SLC45A4: variants seen among roughly 807,000 people sequenced by gnomAD.
SLC45A4 encodes the protein solute carrier family 45 member 4.
Under a neutral mutation model 63.7 loss-of-function variants are expected in SLC45A4, and 32 were observed. The ratio of observed to expected loss-of-function variants is 0.50; its 90% CI spans 0.38 to 0.67. SLC45A4 has a LOEUF of 0.67. SLC45A4 is among the 30% of genes least tolerant of loss of function. The pLI is 0.00. For synonymous variants in SLC45A4, 535 were observed against 510.0 expected (o/e 1.05, Z -0.66); for missense variants, 1,027 against 1,157.7 (o/e 0.89, Z 1.64).
chr8:141,279,510 C>T (rs977340512), intron 1 of SLC45A4, among the ~76,000 whole-genome samples: 5 of 152,244 alleles, frequency 3.3e-5, no homozygotes, highest in Admixed American at 6.5e-5. Flanking sequence ...TGAGGGAGGC[C>T]AGCTTTCCCT....
rs1024030894 is a variant in SLC45A4 at position 141,219,167 on chromosome 8, A to G, written c.611-138T>C. 6 of 1,013,186 alleles carry G rather than the reference A, an allele frequency of 5.9e-6. No homozygotes were observed. In the African/African-American group the frequency reaches 6.6e-5, roughly 11 times the overall value. The allele number at this position is 1,013,186 out of a possible 1,614,324, so 62.8% of individuals were successfully genotyped here. A position where few individuals can be genotyped will look rare whatever the true frequency, so the allele number is the denominator to read the frequency against. ...GTCAGGGGCTGGAGAAGGAGAAAGC[A>G]GTAGGAAAACAAAACAAGAAACTGC... On this transcript the variant is annotated intron_variant, in intron 4 of 8. Coordinates refer to ENST00000517878, the MANE Select transcript of SLC45A4 (RefSeq NM_001286646.2).
chr8:141,283,246 C>G (rs1830018725), intron 1 of SLC45A4, among the ~76,000 whole-genome samples: 1 of 152,222 alleles, frequency 6.6e-6, no homozygotes, highest in South Asian at 2.1e-4. Flanking sequence ...CAGGCTACGA[C>G]ACCTCAAGAA....
chr8:141,280,911 C>T (rs777385135), intron 1 of SLC45A4, among the ~76,000 whole-genome samples: 8 of 152,238 alleles, frequency 5.3e-5, no homozygotes, highest in South Asian at 2.1e-4. Context: ...GTGAGGTCTC[C>T]GCAAGACCGG....
intron 1 of SLC45A4, among the ~76,000 whole-genome samples, chr8:141,294,572 G>A (rs1232391915): frequency 6.6e-6 from 1 of 152,240 alleles, no homozygotes; most frequent in South Asian, 2.1e-4. Flanking sequence ...TCCCCTCACA[G>A]CCAGTTCCCT....
chr8:141,244,324 C>T (rs1270051238), intron 2 of SLC45A4, among the ~76,000 whole-genome samples: 2 of 152,158 alleles, frequency 1.3e-5, no homozygotes, highest in African/African-American at 4.8e-5. Context: ...CAGCCTCCTC[C>T]GGAATGTAAT....
chr8:141,237,439 C>T (rs1308911550), intron 2 of SLC45A4, among the ~76,000 whole-genome samples: 12 of 152,202 alleles, frequency 7.9e-5, no homozygotes, highest in Middle Eastern at 3.2e-3. Flanking sequence ...CCCCTTGCAA[C>T]TTGGGGGCAC....
At chr8:141,213,036 TACAAA>T (rs1488096778) in intron 7 of SLC45A4, among the ~76,000 whole-genome samples, 1 of 150,654 alleles carries the variant, frequency 6.6e-6, no homozygotes, top group African/African-American at 2.5e-5. Context: ...TGCACAAAGA[TACAAA>T]AGAAAACTGC....
intron 7 of SLC45A4, among the ~76,000 whole-genome samples, chr8:141,213,789 C>T (rs930969233): frequency 4.6e-5 from 7 of 152,210 alleles, no homozygotes; most frequent in East Asian, 1.9e-4. Flanking sequence ...ATAACTAACA[C>T]GGGAGGAAAA....
chr8:141,211,829 A>G (rs1438535548), intron 8 of SLC45A4, 132 bp from the exon 9 acceptor site: 2 of 1,310,970 alleles, frequency 1.5e-6, no homozygotes, highest in African/African-American at 3.1e-5. Flanking sequence ...GCAAAATCTT[A>G]TTTTTTCTAA....
chr8:141,259,638 T>C (rs941196447), intron 1 of SLC45A4, among the ~76,000 whole-genome samples: 1 of 152,106 alleles, frequency 6.6e-6, no homozygotes, highest in African/African-American at 2.4e-5. Flanking sequence ...TTAGAACGGG[T>C]GATCCCCATC....
chr8:141,212,145 C>CCCGGGGGGGGG, intron 8 of SLC45A4, 52 bp downstream of exon 8: 3 of 955,990 alleles, frequency 3.1e-6, no homozygotes, highest in Admixed American at 5.3e-5. Context: ...GCCGCCCGCC[C>CCCGGGGGGGGG]GCCCGCCCAC....
At chr8:141,295,229 G>C (rs1277186717) in intron 1 of SLC45A4, among the ~76,000 whole-genome samples, 1 of 152,152 alleles carries the variant, frequency 6.6e-6, no homozygotes, top group Non-Finnish European at 1.5e-5. Context: ...GGGAAGCTGG[G>C]ACCACACCTG....
intron 2 of SLC45A4, chr8:141,228,388 C>T: frequency 6.6e-7 from 1 of 1,507,266 alleles, no homozygotes; most frequent in Admixed American, 2.1e-5. Flanking sequence ...CCTGGCCAGA[C>T]CCAAGCAGGA....
intron 1 of SLC45A4, among the ~76,000 whole-genome samples, chr8:141,272,764 C>T (rs1181292465): frequency 1.3e-5 from 2 of 152,164 alleles, no homozygotes; most frequent in Admixed American, 6.5e-5. Flanking sequence ...TGCCTGGAGC[C>T]GAGTTCCAAC....
At chr8:141,222,526 G>C (rs1262209654) in intron 2 of SLC45A4, among the ~76,000 whole-genome samples, 1 of 152,236 alleles carries the variant, frequency 6.6e-6, no homozygotes, top group Non-Finnish European at 1.5e-5. Flanking sequence ...AGGTCACACA[G>C]CTAGGATTCC....
In SLC45A4 at chr8:141,218,052, T is replaced by C. The variant is rs1826282758; in HGVS notation, c.1588A>G (p.Thr530Ala). The C allele has an allele frequency of 2.5e-6, 4 of 1,612,350 alleles. No homozygotes were observed. The highest frequency in any genetic ancestry group is 3.4e-6 in the Non-Finnish European group (4 of 1,179,774). The part of the protein sequence containing the change: ...FSVIAEAVFY[T>A]DFMGQVIFEG... The stretch of plus-strand genomic sequence containing the variant: ...AAGATGACCTGGCCCATGAAGTCGG[T>C]GTAGAACACGGCCTCGGCGATGACA... Residue 530 changes from threonine (T) to alanine (A), a missense_variant, in exon 5 of 9, where the codon ACC becomes GCC. Transcript: ENST00000517878.
At chr8:141,305,738 A>T (rs7814746) in intron 1 of SLC45A4, among the ~76,000 whole-genome samples, 60,091 of 151,938 alleles carry the variant, frequency 0.4, 13,802 homozygotes, top group Non-Finnish European at 0.51. Context: ...ACTGGGATGC[A>T]CCACGGTCAG....
intron 1 of SLC45A4, among the ~76,000 whole-genome samples, chr8:141,286,420 C>G (rs1830147820): frequency 6.6e-6 from 1 of 152,196 alleles, no homozygotes; most frequent in African/African-American, 2.4e-5. Context: ...AGCGCAGAAG[C>G]CTGCCAATGT....
At chr8:141,269,530 ATGTGGGTGTGTG>A (rs1829427938) in intron 1 of SLC45A4, among the ~76,000 whole-genome samples, 1 of 141,060 alleles carries the variant, frequency 7.1e-6, no homozygotes, top group African/African-American at 2.7e-5. Flanking sequence ...ATGTCTGCCT[ATGTGGGTGTGTG>A]TGTGGGTGTG....
Sources: gnomAD v4.1 joint callset for allele counts (sites outside exome capture counted in the v4.1 genomes callset) on GRCh38, gnomAD v4.1.1 for gene constraint, MANE v1.5 for transcripts, NCBI Gene and HGNC (gene_info 2026-07-23, HGNC 2026-07-21) for gene names.